The following MLIP variants were observed in gnomAD, a reference collection of about 807,000 sequenced individuals.
MLIP encodes the protein muscular LMNA-interacting protein.
A neutral mutation model predicts 84.8 loss-of-function variants in MLIP; 79 were observed. The observed-to-expected ratio is 0.93, with a 90% CI of 0.78 to 1.12. The LOEUF (loss-of-function observed/expected upper bound fraction) is 1.12, where lower values mean the gene tolerates loss of function less well. MLIP is among the 50% of genes most tolerant of loss of function. MLIP has a pLI of 0.00. For synonymous variants in MLIP, 504 were observed against 463.0 expected, an observed-to-expected ratio of 1.09 and a Z score of -1.14; for missense variants, 1,257 against 1,160.6, an observed-to-expected ratio of 1.08 and a Z score of -1.21.
chr6:54,177,979 G>T (rs1266057299), intron 9 of MLIP, among the ~76,000 whole-genome samples: 4 of 152,120 alleles, frequency 2.6e-5, no homozygotes, highest in Non-Finnish European at 4.4e-5. Flanking sequence ...TCACATATAA[G>T]TGGGACCTGA....
At chr6:54,079,398 G>A (rs1766998116) in intron 1 of MLIP, 2 of 152,118 alleles carry the variant, frequency 1.3e-5, no homozygotes, top group African/African-American at 4.8e-5. Flanking sequence ...TGATGGGTGG[G>A]AAACATTTAA....
intron 12 of MLIP, among the ~76,000 whole-genome samples, chr6:54,241,212 A>G (rs2150836859): frequency 6.6e-6 from 1 of 152,132 alleles, no homozygotes; most frequent in East Asian, 1.9e-4. Context: ...TGGCATGTTT[A>G]TAAGTACTAG....
rs377277875 is a variant in MLIP, at chr6:54,251,094, T to C, written c.2923-6214T>C. 5.3e-5 allele frequency among the ~76,000 whole-genome samples: 8 copies of C among 152,150 alleles called. No homozygotes were observed. In the East Asian group the frequency reaches 1.5e-3, roughly 29 times the overall value. ...AGGTACTTAATAATCAAATATGTGG[T>C]AAATGATCTAACTATACAACTCCAG... On this transcript the variant is annotated intron_variant, in intron 12 of 13. Coordinates refer to ENST00000502396, the MANE Select transcript of MLIP (RefSeq NM_001281747.2).
At chr6:54,263,013 A>G (rs1480304909) in intron 13 of MLIP, among the ~76,000 whole-genome samples, 1 of 152,060 alleles carries the variant, frequency 6.6e-6, no homozygotes, top group Non-Finnish European at 1.5e-5. Flanking sequence ...GCGTTTGACA[A>G]TTTTGGGGTC....
rs2150482645 is a variant in MLIP, at chr6:54,136,912, C to T, written c.843C>T (p.Thr281=). The change falls in exon 4 of 14, where the codon ACC becomes ACT. Residue 281 remains threonine, a synonymous_variant. Coordinates refer to ENST00000502396, the MANE Select transcript of MLIP (RefSeq NM_001281747.2). ...VEESATYFQT[T]AHSTPFSASK... is the part of the protein sequence containing the mutation. Reference sequence around the variant, plus strand: ...AATCAGCTACGTATTTTCAAACTACCGCTCACTCTACACCCTTTTCTGCAT... The same window carrying T: ...AATCAGCTACGTATTTTCAAACTACTGCTCACTCTACACCCTTTTCTGCAT... The T allele has an allele frequency of 2.6e-6, 4 of 1,535,620 alleles. No individual in the cohort carries two copies. The highest frequency in any genetic ancestry group is 2.4e-5 in the East Asian group (1 of 40,888).
intron 1 of MLIP, among the ~76,000 whole-genome samples, chr6:54,086,174 G>A (rs976837797): frequency 1.3e-5 from 2 of 152,098 alleles, no homozygotes; most frequent in Non-Finnish European, 2.9e-5. Flanking sequence ...TCCTTGGCTA[G>A]GTAATACGAT....
rs3996971 is a variant in MLIP, at chr6:54,168,853, C to CTTTT, written c.2500-657_2500-654dup. 1.9e-4 allele frequency among the ~76,000 whole-genome samples: 22 copies of CTTTT among 118,822 alleles called. 1 individual carries two copies. Among genetic ancestry groups the CTTTT allele is most frequent in the Middle Eastern group, 4.4e-3 (1 of 228 alleles). The allele number at this position is 118,822 out of a possible 152,430, so 78.0% of individuals were successfully genotyped here. On this transcript the variant is annotated intron_variant, in intron 8 of 13. Transcript: ENST00000502396. ...GGTAAGGTCAATTTAGGGTTGAGGT[C>CTTTT]TTTTTTTTTTTTTTTTTTTTTGTAA... is the stretch of plus-strand genomic sequence containing the variant.
chr6:54,092,634 ATAT>A (rs1270136323), intron 1 of MLIP, among the ~76,000 whole-genome samples: 1 of 151,914 alleles, frequency 6.6e-6, no homozygotes, highest in African/African-American at 2.4e-5. Flanking sequence ...TGGTATAACT[ATAT>A]TATTATAATG....
chr6:54,217,571 C>T (rs1316078707), intron 11 of MLIP: 4 of 984,230 alleles, frequency 4.1e-6, no homozygotes, highest in East Asian at 2.3e-4. Context: ...TTCATAAGTT[C>T]CTGTCTTCTT....
In MLIP at chr6:54,178,055, G is replaced by T. The variant is rs553856033; in HGVS notation, c.2544+8483G>T. On this transcript the variant is annotated intron_variant, in intron 9 of 13. Transcript: ENST00000502396. The stretch of plus-strand genomic sequence containing the variant: ...AACACACATTGGGGCCTCTCGGGAG[G>T]GTAGGGAGAGGGAGAGCGTCAGGAT... Among the ~76,000 whole-genome samples, 5 of 152,194 alleles carry T rather than the reference G, an allele frequency of 3.3e-5. No homozygotes were observed. The East Asian group carries it at 9.7e-4, about 29-fold the overall frequency.
intron 1 of MLIP, among the ~76,000 whole-genome samples, chr6:54,090,265 G>T (rs1253878811): frequency 1.3e-5 from 2 of 152,070 alleles, no homozygotes; most frequent in African/African-American, 4.8e-5. Context: ...AGCAGAAAAT[G>T]CCCAGACAGC....
chr6:54,173,759 G>A (rs1407114382), intron 9 of MLIP, among the ~76,000 whole-genome samples: 1 of 151,760 alleles, frequency 6.6e-6, no homozygotes, highest in African/African-American at 2.4e-5. Context: ...ATTTTAAAAT[G>A]TACAATTAAA....
intron 11 of MLIP, among the ~76,000 whole-genome samples, chr6:54,208,665 T>G (rs1779208865): frequency 1.3e-5 from 2 of 152,238 alleles, no homozygotes; most frequent in South Asian, 4.1e-4. Flanking sequence ...ATCTCAAACC[T>G]TATCCTCAAA....
chr6:54,243,384 T>C (rs1781867450), intron 12 of MLIP, among the ~76,000 whole-genome samples: 1 of 152,110 alleles, frequency 6.6e-6, no homozygotes, highest in Admixed American at 6.5e-5. Flanking sequence ...GAAACTATAA[T>C]GTGAAGTTAG....
At chr6:54,219,089 C>T (rs1293271057) in intron 11 of MLIP, among the ~76,000 whole-genome samples, 4 of 151,510 alleles carry the variant, frequency 2.6e-5, no homozygotes, top group African/African-American at 9.7e-5. Context: ...GCCTGTAGTC[C>T]CAGCTACTCG....
chr6:54,026,415 T>G (rs893723317), intron 1 of MLIP, among the ~76,000 whole-genome samples: 1 of 152,236 alleles, frequency 6.6e-6, no homozygotes, highest in Non-Finnish European at 1.5e-5. Flanking sequence ...AAATCTCTTT[T>G]GAATAAGAAA....
intron 8 of MLIP, 62 bp from the exon 9 acceptor site, chr6:54,169,466 G>T: frequency 3.5e-6 from 4 of 1,153,556 alleles, no homozygotes; most frequent in Non-Finnish European, 4.8e-6. Context: ...CATTCCAGAA[G>T]TTGAGTCTAT....
At chr6:54,138,515 C>A (rs949682659) in intron 4 of MLIP, among the ~76,000 whole-genome samples, 3 of 152,150 alleles carry the variant, frequency 2.0e-5, no homozygotes, top group Non-Finnish European at 4.4e-5. Context: ...AATCCTCTTT[C>A]TCTTCCTAAC....
chr6:54,092,312 A>T (rs1414207501), intron 1 of MLIP, among the ~76,000 whole-genome samples: 1 of 152,174 alleles, frequency 6.6e-6, no homozygotes, highest in Non-Finnish European at 1.5e-5. Flanking sequence ...AATCATAATT[A>T]TTGGCCTAGC....
Sources: allele counts gnomAD v4.1 joint callset (sites outside exome capture counted in the v4.1 genomes callset), GRCh38; gene constraint gnomAD v4.1.1; transcripts MANE v1.5; gene names NCBI Gene and HGNC (gene_info 2026-07-23, HGNC 2026-07-21).